The following NFIA variants were observed in gnomAD, a reference collection of about 807,000 sequenced individuals.
The protein encoded by NFIA is nuclear factor 1 A-type.
In NFIA, 8 loss-of-function variants were observed where a neutral mutation model predicts 62.8. The observed-to-expected ratio is 0.13, with a 90% CI of 0.07 to 0.23. The LOEUF is 0.23. Among genes scored for constraint, NFIA ranks in the 10% least tolerant of loss-of-function variants. NFIA has a pLI of 1.00. For synonymous variants in NFIA, 235 were observed against 238.1 expected, an observed-to-expected ratio of 0.99 and a Z score of 0.12; for missense variants, 410 against 642.1, an observed-to-expected ratio of 0.64 and a Z score of 3.91.
At chr1:61,438,732 C>G (rs1240618309) in intron 10 of NFIA, among the ~76,000 whole-genome samples, 1 of 151,802 alleles carries the variant, frequency 6.6e-6, no homozygotes, top group Non-Finnish European at 1.5e-5. Context: ...AAATTTTATA[C>G]TGGATAAGAG....
chr1:61,299,445 G>A (rs1013165720), intron 3 of NFIA, among the ~76,000 whole-genome samples: 2 of 152,150 alleles, frequency 1.3e-5, no homozygotes, highest in South Asian at 2.1e-4. Flanking sequence ...TAATCTCAAT[G>A]TCTGTAGAAG....
intron 10 of NFIA, among the ~76,000 whole-genome samples, chr1:61,445,671 A>T (rs1453104189): frequency 6.6e-6 from 1 of 152,168 alleles, no homozygotes; most frequent in Non-Finnish European, 1.5e-5. Context: ...GCGCACAGGG[A>T]AATTGTTTGG....
chr1:61,167,045 G>A (rs963757399), intron 2 of NFIA, among the ~76,000 whole-genome samples: 2 of 152,178 alleles, frequency 1.3e-5, no homozygotes, highest in Non-Finnish European at 2.9e-5. Context: ...GGAGGCTGAG[G>A]CAGGGGAATG....
intron 2 of NFIA, among the ~76,000 whole-genome samples, chr1:61,095,867 A>G (rs1008695844): frequency 6.6e-6 from 1 of 152,170 alleles, no homozygotes; most frequent in Non-Finnish European, 1.5e-5. Context: ...AATTTTTACT[A>G]TGCAGATTTT....
At chr1:61,314,037 G>T (rs72911960) in intron 3 of NFIA, among the ~76,000 whole-genome samples, 3,039 of 152,286 alleles carry the variant, frequency 0.02, 139 homozygotes, top group African/African-American at 0.07. Flanking sequence ...CATGCAGTGA[G>T]CACTCAGTAA....
At chr1:61,103,388 C>T (rs931551195) in intron 2 of NFIA, among the ~76,000 whole-genome samples, 1 of 152,130 alleles carries the variant, frequency 6.6e-6, no homozygotes, top group African/African-American at 2.4e-5. Context: ...GCTTTCTTTT[C>T]CCCCCAAGGT....
At position 61,458,828 on chromosome 1, in the gene NFIA, G is replaced by C. The variant is rs1308697221; in HGVS notation, c.*3508G>C. The C allele has an allele frequency of 2.0e-5, 3 of 151,896 alleles. No individual in the cohort carries two copies. Among genetic ancestry groups the C allele is most frequent in the Non-Finnish European group, 4.4e-5 (3 of 68,008 alleles). The allele number at this position is 151,896 out of a possible 1,614,324, so 9.4% of individuals were successfully genotyped here. A position where few individuals can be genotyped will look rare whatever the true frequency, so the allele number is the denominator to read the frequency against. On this transcript the variant is annotated 3_prime_UTR_variant, in exon 11 of 11. Coordinates refer to ENST00000403491, the MANE Select transcript of NFIA (RefSeq NM_001134673.4). ...TTACAGGTATGCTGTATTTTTGAAG[G>C]TATTTTGTTGTATTAAGTTTGATGA...
At chr1:61,108,431 G>A (rs1646641041) in intron 2 of NFIA, among the ~76,000 whole-genome samples, 2 of 151,576 alleles carry the variant, frequency 1.3e-5, no homozygotes, top group Admixed American at 1.3e-4. Flanking sequence ...TTTGTGTATA[G>A]TGATCTTATA....
chr1:61,288,685 G>A (rs1438498329), intron 3 of NFIA, among the ~76,000 whole-genome samples: 1 of 152,140 alleles, frequency 6.6e-6, no homozygotes, highest in Non-Finnish European at 1.5e-5. Context: ...AAATATAAAG[G>A]GGGACAGAGC....
At chr1:61,298,579 A>T (rs536670130) in intron 3 of NFIA, among the ~76,000 whole-genome samples, 80 of 152,318 alleles carry the variant, frequency 5.3e-4, no homozygotes, top group Middle Eastern at 3.4e-3. Flanking sequence ...TCAGGAACCC[A>T]GAAAACAGGC....
intron 2 of NFIA, among the ~76,000 whole-genome samples, chr1:61,158,650 G>A (rs556980016): frequency 2.0e-5 from 3 of 152,240 alleles, no homozygotes; most frequent in South Asian, 2.1e-4. Context: ...AGGAAAAATC[G>A]TGCATACATG....
intron 2 of NFIA, among the ~76,000 whole-genome samples, chr1:61,233,163 A>C (rs1479728430): frequency 6.6e-6 from 1 of 152,214 alleles, no homozygotes; most frequent in Non-Finnish European, 1.5e-5. Context: ...ATTCTTGTCT[A>C]AGCTATGCAT....
chr1:61,427,416 C>G (rs1666917809), intron 10 of NFIA, among the ~76,000 whole-genome samples: 1 of 152,156 alleles, frequency 6.6e-6, no homozygotes, highest in Non-Finnish European at 1.5e-5. Context: ...TCATAATTAA[C>G]ATAAGGAAAG....
At chr1:61,220,008 A>C (rs1318405181) in intron 2 of NFIA, among the ~76,000 whole-genome samples, 1 of 152,166 alleles carries the variant, frequency 6.6e-6, no homozygotes, top group Non-Finnish European at 1.5e-5. Context: ...AATAGCTTCT[A>C]TTTGGGGGTG....
rs1207706993 is a variant in NFIA, at chr1:61,460,767, T to C, written c.*5447T>C. ...CTTCGCTGTCTGTCAGTCAGGACCT[T>C]CTGGTATAGGTGATGTAAAATAACC... On this transcript the variant is annotated 3_prime_UTR_variant, in exon 11 of 11. Transcript: ENST00000403491. 2.0e-5 allele frequency: 3 copies of C among 152,228 alleles called. No homozygotes were observed. The highest frequency in any genetic ancestry group is 2.9e-5 in the Non-Finnish European group (2 of 68,036). The allele number at this position is 152,228 out of a possible 1,614,324, so 9.4% of individuals were successfully genotyped here.
intron 2 of NFIA, among the ~76,000 whole-genome samples, chr1:61,153,864 G>T (rs1483319407): frequency 6.6e-6 from 1 of 152,094 alleles, no homozygotes; most frequent in East Asian, 1.9e-4. Context: ...GCTTAGAGAG[G>T]GCTCTACAAA....
intron 2 of NFIA, among the ~76,000 whole-genome samples, chr1:61,174,478 C>A (rs1056186249): frequency 1.6e-4 from 25 of 152,308 alleles, no homozygotes; most frequent in African/African-American, 5.5e-4. Flanking sequence ...GTGCAAGGGG[C>A]AGAGAGATGG....
intron 2 of NFIA, among the ~76,000 whole-genome samples, chr1:61,151,286 T>A (rs1300078111): frequency 6.6e-6 from 1 of 152,066 alleles, no homozygotes; most frequent in Non-Finnish European, 1.5e-5. Context: ...CTCAGCTCAC[T>A]GCAACCTCTG....
chr1:61,117,201 T>G (rs1646806950), intron 2 of NFIA, among the ~76,000 whole-genome samples: 1 of 152,226 alleles, frequency 6.6e-6, no homozygotes, highest in African/African-American at 2.4e-5. Flanking sequence ...GAATTCTTTA[T>G]AAACTTAATA....
Sources: gnomAD v4.1 joint callset for allele counts (sites outside exome capture counted in the v4.1 genomes callset) on GRCh38, gnomAD v4.1.1 for gene constraint, MANE v1.5 for transcripts, NCBI Gene and HGNC (gene_info 2026-07-23, HGNC 2026-07-21) for gene names.